The following LPP variants were observed in gnomAD, a reference collection of about 807,000 sequenced individuals.
LPP encodes the protein lipoma-preferred partner.
In LPP, 38 loss-of-function variants were observed where a neutral mutation model predicts 60.4. The observed-to-expected ratio is 0.63, with a 90% CI of 0.49 to 0.83. The LOEUF (loss-of-function observed/expected upper bound fraction) is 0.83. Among genes scored for constraint, LPP ranks in the 40% least tolerant of loss-of-function variants. The pLI is 0.00. For missense variants in LPP, 902 were observed against 783.6 expected (o/e 1.15, Z -1.80); for synonymous variants, 328 against 290.8 (o/e 1.13, Z -1.30).
chr3:188,277,487 C>T lies in LPP; in HGVS notation c.-67+51960C>T, dbSNP rs551517228. On this transcript the variant is annotated intron_variant, in intron 2 of 11. Coordinates refer to ENST00000617246, the MANE Select transcript of LPP (RefSeq NM_001375462.1). Reference sequence around the variant, plus strand: ...GTAAATTTTAGTTTCTTTCCTTTTCCGGAAAGTCTCATGACTCTTTATCTG... The same window carrying T: ...GTAAATTTTAGTTTCTTTCCTTTTCTGGAAAGTCTCATGACTCTTTATCTG... Among the ~76,000 whole-genome samples the T allele has an allele frequency of 2.8e-4, 42 of 152,168 alleles. No individual in the cohort carries two copies. In the East Asian group the frequency reaches 5.4e-3, roughly 20 times the overall value.
intron 4 of LPP, among the ~76,000 whole-genome samples, chr3:188,467,084 T>G (rs1315669489): frequency 6.6e-6 from 1 of 151,498 alleles, no homozygotes; most frequent in Non-Finnish European, 1.5e-5. Context: ...GAGGGATAGT[T>G]TCCTTATCCA....
At chr3:188,516,335 C>G (rs947922488) in intron 5 of LPP, among the ~76,000 whole-genome samples, 1 of 152,110 alleles carries the variant, frequency 6.6e-6, no homozygotes, top group Non-Finnish European at 1.5e-5. Flanking sequence ...TTCTGCAATT[C>G]TCACTACTGA....
intron 3 of LPP, among the ~76,000 whole-genome samples, chr3:188,375,870 CT>C (rs1188610754): frequency 8.5e-5 from 13 of 152,106 alleles, no homozygotes; most frequent in African/African-American, 3.1e-4. Context: ...CTACACACTG[CT>C]TTGAATGTGT....
intron 2 of LPP, among the ~76,000 whole-genome samples, chr3:188,245,771 G>A (rs1433598795): frequency 6.6e-6 from 1 of 151,168 alleles, no homozygotes; most frequent in African/African-American, 2.4e-5. Context: ...TCCAACTACT[G>A]AGCTCGGTGA....
intron 2 of LPP, among the ~76,000 whole-genome samples, chr3:188,311,202 C>G (rs1753289065): frequency 6.6e-6 from 1 of 151,862 alleles, no homozygotes; most frequent in African/African-American, 2.4e-5. Context: ...CTCTCTCTCT[C>G]TCTGTCTACT....
intron 9 of LPP, among the ~76,000 whole-genome samples, chr3:188,836,446 C>T (rs1758464213): frequency 6.6e-6 from 1 of 152,186 alleles, no homozygotes; most frequent in Non-Finnish European, 1.5e-5. Context: ...ACTTTCCAAT[C>T]CTGTATGGAG....
intron 3 of LPP, among the ~76,000 whole-genome samples, chr3:188,363,420 G>A (rs1250772022): frequency 6.6e-6 from 1 of 151,998 alleles, no homozygotes; most frequent in Non-Finnish European, 1.5e-5. Flanking sequence ...AGGAAATCAG[G>A]TAAATTAGAA....
At chr3:188,359,480 C>T (rs536885758) in intron 3 of LPP, among the ~76,000 whole-genome samples, 5 of 152,260 alleles carry the variant, frequency 3.3e-5, no homozygotes, top group Non-Finnish European at 5.9e-5. Flanking sequence ...GCTGCAGGGG[C>T]AGCTCATTAT....
At chr3:188,862,987 A>C (rs1274916090) in intron 9 of LPP, among the ~76,000 whole-genome samples, 1 of 152,120 alleles carries the variant, frequency 6.6e-6, no homozygotes, top group Non-Finnish European at 1.5e-5. Context: ...TATAACACAA[A>C]AATATCCCTC....
At position 188,406,265 on chromosome 3, in the gene LPP, G is replaced by C. The variant is rs754883915; in HGVS notation, c.145G>C (p.Val49Leu). 2 of 1,614,150 alleles carry C rather than the reference G, an allele frequency of 1.2e-6. No homozygotes were observed. The highest frequency in any genetic ancestry group is 3.3e-5 in the Admixed American group (2 of 60,026). The change falls in exon 4 of 12, where the codon GTT becomes CTT. Residue 49 changes from valine (V) to leucine (L), a missense_variant. Physicochemically the swap from Val to Leu is conservative, Grantham distance 32. Transcript: ENST00000617246. ...GCCACCCAAAAAGTTTGCCCCGGTA[G>C]TTGCTCCAAAACCTAAGTACAACCC... ...QQPPKKFAPV[V>L]APKPKYNPYK...
chr3:188,301,450 A>T (rs1255185884), intron 2 of LPP, among the ~76,000 whole-genome samples: 2 of 152,218 alleles, frequency 1.3e-5, no homozygotes, highest in African/African-American at 2.4e-5. Flanking sequence ...GGATGTTCTT[A>T]GTATAATGCC....
At chr3:188,816,198 C>CTT (rs34839724) in intron 9 of LPP, among the ~76,000 whole-genome samples, 6,144 of 103,918 alleles carry the variant, frequency 0.059, 412 homozygotes, top group African/African-American at 0.095. Context: ...GCTTCCTTCT[C>CTT]TTTTTTTTTT....
At chr3:188,638,192 A>G (rs1358395323) in intron 7 of LPP, among the ~76,000 whole-genome samples, 1 of 136,374 alleles carries the variant, frequency 7.3e-6, no homozygotes, top group East Asian at 2.0e-4. Context: ...CATCCCTGGG[A>G]TGCAAGGCTG....
chr3:188,844,292 C>G (rs773299735), intron 9 of LPP, among the ~76,000 whole-genome samples: 1 of 152,136 alleles, frequency 6.6e-6, no homozygotes, highest in Non-Finnish European at 1.5e-5. Context: ...TCAGCCAGTC[C>G]TGGGTTAATA....
intron 9 of LPP, among the ~76,000 whole-genome samples, chr3:188,825,269 C>CTGTGTGTGTGTGTGTG (rs3057956): frequency 9.8e-6 from 1 of 101,690 alleles, no homozygotes; most frequent in South Asian, 4.4e-4. Context: ...CTCTCTCTCT[C>CTGTGTGTGTGTGTGTG]TGTGTGTGTG....
chr3:188,449,689 G>T (rs1433604050), intron 4 of LPP, among the ~76,000 whole-genome samples: 1 of 152,034 alleles, frequency 6.6e-6, no homozygotes, highest in Non-Finnish European at 1.5e-5. Flanking sequence ...TTGTCCTTGT[G>T]CCTTTAGATC....
intron 6 of LPP, among the ~76,000 whole-genome samples, chr3:188,532,270 CA>C (rs1235546896): frequency 6.6e-6 from 1 of 151,930 alleles, no homozygotes; most frequent in Non-Finnish European, 1.5e-5. Flanking sequence ...AACAAACAAA[CA>C]AAACTTAGCT....
chr3:188,265,144 C>T (rs957091242), intron 2 of LPP, among the ~76,000 whole-genome samples: 11 of 152,174 alleles, frequency 7.2e-5, no homozygotes, highest in African/African-American at 2.4e-4. Flanking sequence ...AGGTTTAGCA[C>T]GAATTAAATT....
rs1578785984 is a variant in LPP at position 188,423,845 on chromosome 3, G to A, written c.193+17532G>A. Among the ~76,000 whole-genome samples, 3 of 151,792 alleles carry A rather than the reference G, an allele frequency of 2.0e-5. No homozygotes were observed. In the East Asian group the frequency reaches 5.8e-4, roughly 29 times the overall value. On this transcript the variant is annotated intron_variant, in intron 4 of 11. Transcript: ENST00000617246. ...TTTGTTTAAGTTCTTTGTAGAATCTGGATATTAGCCCTTTGTCAGATGGAT... is the reference window on the plus strand; with the variant it reads ...TTTGTTTAAGTTCTTTGTAGAATCTAGATATTAGCCCTTTGTCAGATGGAT...
Sources: allele counts gnomAD v4.1 joint callset (sites outside exome capture counted in the v4.1 genomes callset), GRCh38; gene constraint gnomAD v4.1.1; transcripts MANE v1.5; gene names NCBI Gene and HGNC (gene_info 2026-07-23, HGNC 2026-07-21).